The following CTNND2 variants were observed in gnomAD, a reference collection of about 807,000 sequenced individuals.
CTNND2 encodes the protein catenin delta 2, also known as catenin delta-2.
A neutral mutation model predicts 144.4 loss-of-function variants in CTNND2; 22 were observed. That is an observed-to-expected ratio of 0.15 (90% CI 0.11 to 0.22). The LOEUF (loss-of-function observed/expected upper bound fraction) is 0.22. Ranked by LOEUF, CTNND2 falls within the 10% of genes least tolerant of loss-of-function variation. CTNND2 has a pLI of 1.00. For synonymous variants in CTNND2, 751 were observed against 695.6 expected, an observed-to-expected ratio of 1.08 and a Z score of -1.25; for missense variants, 1,353 against 1,618.8, an observed-to-expected ratio of 0.84 and a Z score of 2.82.
At chr5:11,775,065 G>A (rs1246652390) in intron 1 of CTNND2, among the ~76,000 whole-genome samples, 2 of 152,090 alleles carry the variant, frequency 1.3e-5, no homozygotes, top group Non-Finnish European at 2.9e-5. Flanking sequence ...GGGGGGCGGT[G>A]CGGGCAAGAA....
At chr5:11,585,026 G>A (rs1362006413) in intron 2 of CTNND2, among the ~76,000 whole-genome samples, 1 of 152,176 alleles carries the variant, frequency 6.6e-6, no homozygotes, top group East Asian at 1.9e-4. Flanking sequence ...ACCCTAGGGA[G>A]AGCTGCGGCA....
intron 10 of CTNND2, among the ~76,000 whole-genome samples, chr5:11,228,001 C>T (rs888528681): frequency 3.3e-5 from 5 of 152,100 alleles, no homozygotes; most frequent in African/African-American, 9.7e-5. Flanking sequence ...GCTGGACTCT[C>T]GCCAGCTGTG....
chr5:11,080,362 G>A (rs908131732), intron 16 of CTNND2, among the ~76,000 whole-genome samples: 4 of 152,102 alleles, frequency 2.6e-5, no homozygotes, highest in African/African-American at 9.7e-5. Flanking sequence ...CTTTATTAGC[G>A]GGAATGTATA....
chr5:11,197,547 G>C (rs1036790478), intron 11 of CTNND2, among the ~76,000 whole-genome samples: 3 of 152,150 alleles, frequency 2.0e-5, no homozygotes, highest in African/African-American at 7.2e-5. Flanking sequence ...TACAGCCTGC[G>C]TTTCACCAGG....
At chr5:11,581,596 T>C (rs995734244) in intron 2 of CTNND2, among the ~76,000 whole-genome samples, 7 of 152,256 alleles carry the variant, frequency 4.6e-5, no homozygotes, top group Non-Finnish European at 8.8e-5. Flanking sequence ...CGTTATCTTA[T>C]TGGCTCCCTA....
chr5:11,327,423 T>C (rs1423405097), intron 9 of CTNND2, among the ~76,000 whole-genome samples: 1 of 152,190 alleles, frequency 6.6e-6, no homozygotes, highest in Non-Finnish European at 1.5e-5. Flanking sequence ...AAGGGAATAG[T>C]TCCTGTGAGA....
At chr5:11,175,087 A>C (rs1409905347) in intron 11 of CTNND2, among the ~76,000 whole-genome samples, 2 of 152,052 alleles carry the variant, frequency 1.3e-5, no homozygotes, top group Admixed American at 6.6e-5. Context: ...TGGAATTTCT[A>C]TGCTTGTGTA....
At chr5:11,064,910 C>T (rs1329765881) in intron 16 of CTNND2, among the ~76,000 whole-genome samples, 1 of 152,086 alleles carries the variant, frequency 6.6e-6, no homozygotes, top group African/African-American at 2.4e-5. Flanking sequence ...TTTTCTGCAC[C>T]CAGTTCAAGC....
At chr5:11,254,713 A>T (rs1332192056) in intron 9 of CTNND2, among the ~76,000 whole-genome samples, 2 of 152,244 alleles carry the variant, frequency 1.3e-5, no homozygotes, top group East Asian at 3.8e-4. Flanking sequence ...TATGAAATGT[A>T]TAAAATACTT....
intron 12 of CTNND2, among the ~76,000 whole-genome samples, chr5:11,126,567 G>A (rs1292012771): frequency 6.6e-6 from 1 of 152,128 alleles, no homozygotes; most frequent in African/African-American, 2.4e-5. Context: ...AGAGTACCTG[G>A]CTTGTGACCT....
At chr5:11,121,763 G>A (rs940697383) in intron 12 of CTNND2, among the ~76,000 whole-genome samples, 5 of 152,090 alleles carry the variant, frequency 3.3e-5, no homozygotes, top group South Asian at 2.1e-4. Context: ...GTATGACTAC[G>A]GCATTTTCCA....
intron 18 of CTNND2, among the ~76,000 whole-genome samples, chr5:10,996,839 C>T (rs552355240): frequency 6.6e-5 from 10 of 152,168 alleles, no homozygotes; most frequent in East Asian, 1.9e-4. Context: ...CCTCTTGATC[C>T]GCCTGCCTCA....
chr5:11,568,648 G>C (rs774633611), intron 2 of CTNND2, among the ~76,000 whole-genome samples: 7 of 152,194 alleles, frequency 4.6e-5, no homozygotes, highest in Non-Finnish European at 8.8e-5. Flanking sequence ...ATCTAGAGAA[G>C]ACACAGCATT....
intron 2 of CTNND2, among the ~76,000 whole-genome samples, chr5:11,709,698 T>C (rs2126689136): frequency 6.6e-6 from 1 of 152,254 alleles, no homozygotes; most frequent in Admixed American, 6.5e-5. Context: ...GTAGACAAAG[T>C]ATTGAGAAGC....
chr5:11,094,215 A>G (rs1175766372), intron 15 of CTNND2, among the ~76,000 whole-genome samples: 3 of 152,186 alleles, frequency 2.0e-5, no homozygotes, highest in Non-Finnish European at 4.4e-5. Context: ...GCAAAATCCT[A>G]CTTTAACCAT....
intron 1 of CTNND2, among the ~76,000 whole-genome samples, chr5:11,810,888 T>C (rs1201194211): frequency 1.3e-5 from 2 of 152,142 alleles, no homozygotes; most frequent in Non-Finnish European, 2.9e-5. Flanking sequence ...AGACAGACTT[T>C]ATGACATGCA....
chr5:11,560,371 G>C (rs2150099941), intron 3 of CTNND2, among the ~76,000 whole-genome samples: 1 of 152,266 alleles, frequency 6.6e-6, no homozygotes, highest in Admixed American at 6.5e-5. Context: ...AGTCTTTCCA[G>C]AGTCAAGTCC....
At chr5:11,545,131 A>C (rs1169262785) in intron 3 of CTNND2, among the ~76,000 whole-genome samples, 2 of 148,680 alleles carry the variant, frequency 1.3e-5, no homozygotes, top group Non-Finnish European at 3.0e-5. Flanking sequence ...AAAAAAAAAA[A>C]AAAAGGAAAA....
chr5:11,189,522 T>C (rs572638841), intron 11 of CTNND2, among the ~76,000 whole-genome samples: 2 of 152,340 alleles, frequency 1.3e-5, no homozygotes, highest in African/African-American at 4.8e-5. Context: ...ATAAAGTGCA[T>C]ACATATTTTC....
Sources: gnomAD v4.1 joint callset for allele counts (sites outside exome capture counted in the v4.1 genomes callset) on GRCh38, gnomAD v4.1.1 for gene constraint, MANE v1.5 for transcripts, NCBI Gene and HGNC (gene_info 2026-07-23, HGNC 2026-07-21) for gene names.